NXN: variants seen among roughly 807,000 people sequenced by gnomAD.
NXN encodes the protein nucleoredoxin 1.
NXN carries 16 observed loss-of-function variants against 48.6 expected under a neutral mutation model. The ratio of observed to expected loss-of-function variants is 0.33; its 90% confidence interval spans 0.22 to 0.50. The LOEUF is 0.50. Among genes scored for constraint, NXN ranks in the 20% least tolerant of loss-of-function variants. NXN has a pLI of 0.98. For missense variants in NXN, 492 were observed against 605.5 expected (o/e 0.81, Z 1.97); for synonymous variants, 281 against 269.6 (o/e 1.04, Z -0.41).
chr17:801,443 CTTTTT>C (rs71371579), intron 7 of NXN, among the ~76,000 whole-genome samples: 11 of 104,306 alleles, frequency 1.1e-4, no homozygotes, highest in African/African-American at 3.5e-4. Flanking sequence ...ATGTCACATT[CTTTTT>C]TTTTTTTTTT....
chr17:864,017 T>C, intron 1 of NXN: 4 of 1,535,152 alleles, frequency 2.6e-6, no homozygotes, highest in Non-Finnish European at 3.5e-6. Flanking sequence ...ACAGTTACCG[T>C]TGCTGGGTTC....
rs537488145 is a variant in NXN at position 956,021 on chromosome 17, C to T, written c.360+23298G>A. 7.9e-5 allele frequency among the ~76,000 whole-genome samples: 12 copies of T among 151,804 alleles called. No homozygotes were observed. In the South Asian group the frequency reaches 2.3e-3, roughly 29 times the overall value. On this transcript the variant is annotated intron_variant, in intron 1 of 7. Transcript: ENST00000336868. This position sits in a 1 kb window ranked among gnomAD's most constrained non-coding sequence, Gnocchi z 4.1. ...CCTGAGCCTCAGTTTCCCTGCCTGTCAAAGAAGACTGTGGCCACATAATCC... is the reference window on the plus strand; with the variant it reads ...CCTGAGCCTCAGTTTCCCTGCCTGTTAAAGAAGACTGTGGCCACATAATCC...
intron 1 of NXN, among the ~76,000 whole-genome samples, chr17:940,618 TA>T (rs2068961122): frequency 6.6e-6 from 1 of 151,950 alleles, no homozygotes; most frequent in Non-Finnish European, 1.5e-5. Flanking sequence ...GCAGGACCCT[TA>T]AAAACAAGAT....
At chr17:888,970 A>G (rs2068379352) in intron 1 of NXN, among the ~76,000 whole-genome samples, 1 of 151,928 alleles carries the variant, frequency 6.6e-6, no homozygotes, top group Non-Finnish European at 1.5e-5. Flanking sequence ...CTCAAAAAAA[A>G]AAAAAAAAAA....
intron 1 of NXN, among the ~76,000 whole-genome samples, chr17:827,439 G>A (rs1364568611): frequency 6.6e-6 from 1 of 152,108 alleles, no homozygotes; most frequent in African/African-American, 2.4e-5. Context: ...TGGCTAACAC[G>A]GTGAAACCCC....
chr17:808,679 T>TTTTG (rs1015344816), intron 5 of NXN, among the ~76,000 whole-genome samples: 1 of 149,318 alleles, frequency 6.7e-6, no homozygotes, highest in Non-Finnish European at 1.5e-5. Flanking sequence ...TAAACCAGTT[T>TTTTG]TTTTTTTTTT....
Position 884,223 on chromosome 17 carries a change from A to AAAAT in NXN, c.361-58149_361-58146dup, listed in dbSNP as rs996617349. 6.7e-4 allele frequency among the ~76,000 whole-genome samples: 95 copies of AAAAT among 141,868 alleles called. No homozygotes were observed. The East Asian group carries it at 9.7e-3, about 14-fold the overall frequency. 93.1% of individuals were successfully genotyped at this position (141,868 alleles called of 152,430 possible). Reference sequence around the variant, plus strand: ...GGGACTGAGCAAGACTCTGACTCAAAAAATAAATAAATAAATAAATAAATA... The same window carrying AAAAT: ...GGGACTGAGCAAGACTCTGACTCAAAAAATAAATAAATAAATAAATAAATAAATA... On this transcript the variant is annotated intron_variant, in intron 1 of 7. Transcript: ENST00000336868.
intron 5 of NXN, among the ~76,000 whole-genome samples, chr17:806,974 G>A (rs1021406097): frequency 5.3e-5 from 8 of 151,928 alleles, no homozygotes; most frequent in African/African-American, 2.4e-5. Context: ...ACATGCGGCC[G>A]GCTCTCACTG....
intron 1 of NXN, chr17:907,725 A>C (rs2068594801): frequency 1.5e-5 from 1 of 65,762 alleles, no homozygotes; most frequent in South Asian, 3.4e-4. Flanking sequence ...TCCTTTTTTC[A>C]GATGTCGGAT....
In NXN at chr17:877,637, C is replaced by T. The variant is rs141491535; in HGVS notation, c.361-51559G>A. The stretch of plus-strand genomic sequence containing the variant: ...ATTAGGATACAGGAAAAGCGCGATA[C>T]TACTGGCACATAGAGGAAATCGGGG... On this transcript the variant is annotated intron_variant, in intron 1 of 7. Coordinates refer to ENST00000336868, the MANE Select transcript of NXN (RefSeq NM_022463.5). 6.4e-3 allele frequency among the ~76,000 whole-genome samples: 974 copies of T among 152,274 alleles called. 11 individuals carry two copies. Among genetic ancestry groups the T allele is most frequent in the African/African-American group, 0.022 (920 of 41,558 alleles).
At chr17:856,364 T>A (rs573683338) in intron 1 of NXN, among the ~76,000 whole-genome samples, 3 of 152,290 alleles carry the variant, frequency 2.0e-5, no homozygotes, top group African/African-American at 7.2e-5. Flanking sequence ...TGGAGGTCTT[T>A]CCCTCTGGGA....
chr17:895,088 C>T (rs2068463340), intron 1 of NXN, among the ~76,000 whole-genome samples: 1 of 147,314 alleles, frequency 6.8e-6, no homozygotes, highest in Admixed American at 6.9e-5. Context: ...ACCATCTCGG[C>T]TCACTGCAAC....
chr17:926,522 C>T (rs937202733), intron 1 of NXN, among the ~76,000 whole-genome samples: 5 of 140,190 alleles, frequency 3.6e-5, no homozygotes, highest in African/African-American at 1.3e-4. Context: ...ACAGGAGTAT[C>T]CCATGTTTTT....
At chr17:935,697 G>C (rs1049235430) in intron 1 of NXN, among the ~76,000 whole-genome samples, 7 of 152,128 alleles carry the variant, frequency 4.6e-5, no homozygotes, top group African/African-American at 1.7e-4. Context: ...GGGAGAGCCT[G>C]CTATTCATGC....
chr17:954,505 C>T (rs543739240), intron 1 of NXN, among the ~76,000 whole-genome samples: 4 of 152,342 alleles, frequency 2.6e-5, no homozygotes, highest in African/African-American at 7.2e-5. Flanking sequence ...AGCACGTGTC[C>T]GGGGCTGTCC....
At chr17:967,353 G>T (rs2069318695) in intron 1 of NXN, among the ~76,000 whole-genome samples, 2 of 152,232 alleles carry the variant, frequency 1.3e-5, no homozygotes, top group South Asian at 4.1e-4. Flanking sequence ...CCTGCCAGAG[G>T]CCAGGGCGCA....
At chr17:926,859 G>A (rs368503556) in intron 1 of NXN, among the ~76,000 whole-genome samples, 2 of 152,226 alleles carry the variant, frequency 1.3e-5, no homozygotes, top group African/African-American at 4.8e-5. Flanking sequence ...ACATCCCTGG[G>A]ATTTGTAGAA....
chr17:969,739 G>A (rs1213898459), intron 1 of NXN, among the ~76,000 whole-genome samples: 1 of 151,924 alleles, frequency 6.6e-6, no homozygotes, highest in East Asian at 1.9e-4. Flanking sequence ...AATCCATCCA[G>A]ATTTTTATCC....
At chr17:824,104 A>G (rs916255820) in intron 2 of NXN, among the ~76,000 whole-genome samples, 1 of 149,104 alleles carries the variant, frequency 6.7e-6, no homozygotes, top group East Asian at 2.0e-4. Flanking sequence ...CAGTGGCGCA[A>G]TCTCAGCTCA....
Sources: gnomAD v4.1 joint callset for allele counts (sites outside exome capture counted in the v4.1 genomes callset) on GRCh38, gnomAD v4.1.1 for gene constraint, Gnocchi (gnomAD v3.1) non-coding constraint, MANE v1.5 for transcripts, NCBI Gene and HGNC (gene_info 2026-07-23, HGNC 2026-07-21) for gene names.